OTOP1: variants seen among roughly 807,000 people sequenced by gnomAD.
OTOP1 encodes the protein proton channel OTOP1.
OTOP1 carries 59 observed loss-of-function variants against 52.9 expected under a neutral mutation model. The observed-to-expected ratio is 1.12, with a 90% CI of 0.91 to 1.39. OTOP1 has a LOEUF of 1.39. OTOP1 is among the 40% of genes most tolerant of loss of function. The pLI, the probability that OTOP1 is intolerant of heterozygous loss-of-function variation, is 0.00. For missense variants in OTOP1, 761 were observed against 800.9 expected (o/e 0.95, Z 0.60); for synonymous variants, 317 against 337.7 (o/e 0.94, Z 0.67).
At chr4:4,222,941 C>T (rs1354299457) in intron 1 of OTOP1, among the ~76,000 whole-genome samples, 1 of 152,162 alleles carries the variant, frequency 6.6e-6, no homozygotes, top group Non-Finnish European at 1.5e-5. Context: ...TCTCAACATC[C>T]CCCAGCTCCT....
At chr4:4,213,630 T>C (rs1287520287) in intron 1 of OTOP1, among the ~76,000 whole-genome samples, 7 of 152,206 alleles carry the variant, frequency 4.6e-5, no homozygotes, top group Non-Finnish European at 7.3e-5. Flanking sequence ...CCATACTGTA[T>C]CGTGTGTCAG....
intron 3 of OTOP1, among the ~76,000 whole-genome samples, chr4:4,203,231 G>A (rs1716827101): frequency 6.6e-6 from 1 of 152,232 alleles, no homozygotes; most frequent in Admixed American, 6.5e-5. Context: ...TTTTTATCTA[G>A]CCTTGAATGT....
At chr4:4,224,271 C>T (rs568913249) in intron 1 of OTOP1, among the ~76,000 whole-genome samples, 316 of 151,216 alleles carry the variant, frequency 2.1e-3, no homozygotes, top group Admixed American at 4.2e-3. Flanking sequence ...CGTTTGAACC[C>T]GGGAGGTGGA....
At chr4:4,205,752 C>G (rs143078533) in intron 3 of OTOP1, among the ~76,000 whole-genome samples, 2 of 152,262 alleles carry the variant, frequency 1.3e-5, no homozygotes, top group African/African-American at 4.8e-5. Flanking sequence ...GAACTTATGA[C>G]GGTTAAAAAA....
At chr4:4,190,649 G>A (rs753182968) in intron 5 of OTOP1, among the ~76,000 whole-genome samples, 10 of 152,136 alleles carry the variant, frequency 6.6e-5, no homozygotes, top group Non-Finnish European at 1.3e-4. Context: ...AAGTGTATGG[G>A]AGGATGGGTA....
In OTOP1 at chr4:4,201,471, T is replaced by TACACACACAC. The variant is rs762922216; in HGVS notation, c.730+967_730+976dup. Among the ~76,000 whole-genome samples the TACACACACAC allele has an allele frequency of 7.1e-3, 998 of 140,836 alleles. 9 individuals carry two copies. The highest frequency in any genetic ancestry group is 0.01 in the Non-Finnish European group (682 of 65,632). 92.4% of individuals were successfully genotyped at this position (140,836 alleles called of 152,430 possible). ...GAATAAATAAATAAATATATATATA[T>TACACACACAC]ACACACACACACACACACACACACA... On this transcript the variant is annotated intron_variant, in intron 4 of 5. Coordinates refer to ENST00000296358, the MANE Select transcript of OTOP1 (RefSeq NM_177998.3).
chr4:4,220,003 ATATATATG>A (rs1326154690), intron 1 of OTOP1, among the ~76,000 whole-genome samples: 2 of 52,592 alleles, frequency 3.8e-5, no homozygotes, highest in Admixed American at 1.4e-4. Flanking sequence ...GTGTATATAC[ATATATATG>A]TATATACATG....
At chr4:4,192,927 T>A (rs1716545336) in intron 5 of OTOP1, among the ~76,000 whole-genome samples, 1 of 152,182 alleles carries the variant, frequency 6.6e-6, no homozygotes, top group Admixed American at 6.5e-5. Context: ...GTTTCAGTTT[T>A]GCCAGACGAG....
At chr4:4,222,809 C>G (rs543989681) in intron 1 of OTOP1, among the ~76,000 whole-genome samples, 92 of 152,294 alleles carry the variant, frequency 6.0e-4, no homozygotes, top group African/African-American at 2.1e-3. Context: ...CCAGAGGAAA[C>G]CCCAGTCCCT....
chr4:4,204,916 G>A (rs1000394203), intron 3 of OTOP1, among the ~76,000 whole-genome samples: 12 of 151,934 alleles, frequency 7.9e-5, no homozygotes, highest in East Asian at 3.9e-4. Flanking sequence ...GACTACAGGC[G>A]CCCACCACCA....
intron 4 of OTOP1, among the ~76,000 whole-genome samples, chr4:4,198,637 T>A (rs1438628949): frequency 6.6e-6 from 1 of 152,160 alleles, no homozygotes. Flanking sequence ...AAGATGTGCC[T>A]CTTAAGACTC....
chr4:4,223,207 C>A (rs1717338757), intron 1 of OTOP1, among the ~76,000 whole-genome samples: 2 of 152,218 alleles, frequency 1.3e-5, no homozygotes, highest in Admixed American at 1.3e-4. Flanking sequence ...CCCAAAGACA[C>A]CTCAAACATA....
chr4:4,223,344 G>A (rs1193112386), intron 1 of OTOP1, among the ~76,000 whole-genome samples: 1 of 152,176 alleles, frequency 6.6e-6, no homozygotes, highest in African/African-American at 2.4e-5. Context: ...AATGCTCGGA[G>A]TCAACCTGAA....
In OTOP1 at chr4:4,197,910, A is replaced by T; in HGVS notation, c.924T>A (p.Ser308=). The T allele has an allele frequency of 6.2e-7, 1 of 1,614,004 alleles. No individual in the cohort carries two copies. The highest frequency in any genetic ancestry group is 1.1e-5 in the South Asian group (1 of 91,054). ...SHQHQKMQFK[S]DGVMVGAVLG... is the part of the protein sequence containing the mutation. Reference sequence around the variant, plus strand: ...GGACTGCGCCCACCATGACCCCATCAGACTTGAACTGCATCTTCTGGTGCT... The same window carrying T: ...GGACTGCGCCCACCATGACCCCATCTGACTTGAACTGCATCTTCTGGTGCT... Residue 308 remains serine, a synonymous_variant, in exon 5 of 6, where the codon TCT becomes TCA. Coordinates refer to ENST00000296358, the MANE Select transcript of OTOP1 (RefSeq NM_177998.3).
At chr4:4,189,220 C>T (rs1268882754) in intron 5 of OTOP1, among the ~76,000 whole-genome samples, 16 of 152,246 alleles carry the variant, frequency 1.1e-4, no homozygotes, top group Admixed American at 2.6e-4. Context: ...TGAGCACTTT[C>T]TGAACCCATC....
chr4:4,204,691 C>A (rs1162541930), intron 3 of OTOP1, among the ~76,000 whole-genome samples: 1 of 151,810 alleles, frequency 6.6e-6, no homozygotes, highest in African/African-American at 2.4e-5. Context: ...CATTTCTAAT[C>A]TCAGTGTATG....
chr4:4,212,163 A>T (rs1158067621), intron 2 of OTOP1, among the ~76,000 whole-genome samples: 1 of 152,218 alleles, frequency 6.6e-6, no homozygotes, highest in African/African-American at 2.4e-5. Flanking sequence ...TGATAACATT[A>T]CCATGGATTT....
rs1445029367 is a variant in OTOP1 at position 4,206,103 on chromosome 4, C to G, written c.568G>C (p.Asp190His). ...AGTGTTTTGAAAGACTGGATAATAT[C>G]CTTTGCATGCCCCCAAAGAAAATAT... ...QVYFLWGHAK[D>H]IIQSFKTLER... Residue 190 changes from aspartate (D) to histidine (H), a missense_variant, in exon 3 of 6, where the codon GAT becomes CAT. Around this residue, in one of 3 missense-constraint regions of OTOP1, gnomAD observed 632 missense variants for 619.5 expected, o/e 1.02. Transcript: ENST00000296358. 5 of 1,607,684 alleles carry G rather than the reference C, an allele frequency of 3.1e-6. No individual in the cohort carries two copies. Among genetic ancestry groups the G allele is most frequent in the African/African-American group, 1.3e-5 (1 of 74,760 alleles).
rs751408590 is a variant in OTOP1 at position 4,226,749 on chromosome 4, G to A, written c.116C>T (p.Pro39Leu). The change falls in exon 1 of 6, where the codon CCG (proline) becomes CTG (leucine). Residue 39 changes from proline to leucine, a missense_variant. Around this residue, in one of 3 missense-constraint regions of OTOP1, gnomAD observed 73 missense variants for 75.7 expected, o/e 0.96. Transcript: ENST00000296358. ...SPPSSSAPRS[P>L]ESPAPRRGGV... ...GCCCCGCCGGGGGGCCGGGGATTCC[G>A]GGGACCTCGGGGCCGAGGACGAGGG... The A allele has an allele frequency of 5.0e-6, 7 of 1,393,308 alleles. No homozygotes were observed. The highest frequency in any genetic ancestry group is 6.5e-6 in the Non-Finnish European group (7 of 1,073,668). The allele number at this position is 1,393,308 out of a possible 1,614,324, so 86.3% of individuals were successfully genotyped here.
Sources: gnomAD v4.1 joint callset for allele counts (sites outside exome capture counted in the v4.1 genomes callset) on GRCh38, gnomAD v4.1.1 for gene constraint, gnomAD v4.1.1 regional missense constraint, MANE v1.5 for transcripts, NCBI Gene and HGNC (gene_info 2026-07-23, HGNC 2026-07-21) for gene names.